The following KDM2A variants were observed in gnomAD, a reference collection of about 807,000 sequenced individuals.
KDM2A encodes lysine demethylase 2A, also known as lysine-specific demethylase 2A.
Under a neutral mutation model 137.3 loss-of-function variants are expected in KDM2A, and 3 were observed. The ratio of observed to expected loss-of-function variants is 0.02; its 90% CI spans 0.01 to 0.06. The LOEUF is 0.06. KDM2A is among the 10% of genes least tolerant of loss of function. The pLI, the probability that KDM2A is intolerant of heterozygous loss-of-function variation, is 1.00. For synonymous variants in KDM2A, 512 were observed against 541.5 expected, an observed-to-expected ratio of 0.95 and a Z score of 0.76; for missense variants, 738 against 1,510.6, an observed-to-expected ratio of 0.49 and a Z score of 8.48.
intron 2 of KDM2A, among the ~76,000 whole-genome samples, chr11:67,146,614 T>G (rs1856254016): frequency 6.6e-6 from 1 of 152,034 alleles, no homozygotes; most frequent in South Asian, 2.1e-4. Flanking sequence ...ACTTAAGCAA[T>G]CCTCCTGCCT....
rs1407777333 is a variant in KDM2A at position 67,250,005 on chromosome 11, G to A, written c.2056-81G>A. On this transcript the variant is annotated intron_variant, in intron 16 of 20. Coordinates refer to ENST00000529006, the MANE Select transcript of KDM2A (RefSeq NM_012308.3). The surrounding 1 kb of genome is among the most constrained non-coding windows in gnomAD (Gnocchi z 7.1). ...CTTTCTTCTCTCTGGTCCCCTGAGA[G>A]CAAGGGAGGTCCACCCTGTCGGTTC... 1.5e-5 allele frequency: 17 copies of A among 1,162,620 alleles called. No homozygotes were observed. The highest frequency in any genetic ancestry group is 4.6e-5 in the African/African-American group (3 of 65,240). The allele number at this position is 1,162,620 out of a possible 1,614,324, so 72.0% of individuals were successfully genotyped here.
rs558887173 is a variant in KDM2A at position 67,213,183 on chromosome 11, C to T, written c.487-2157C>T. Among the ~76,000 whole-genome samples the T allele has an allele frequency of 2.6e-5, 4 of 152,318 alleles. No individual in the cohort carries two copies. The South Asian group carries it at 6.2e-4, about 24-fold the overall frequency. ...CTCTAGACAACTGCTTCATATCATG[C>T]ACAACTTTATGCATTTGTCTCCATT... On this transcript the variant is annotated intron_variant, in intron 6 of 20. Transcript: ENST00000529006.
intron 6 of KDM2A, among the ~76,000 whole-genome samples, chr11:67,211,679 A>AT (rs1857993410): frequency 6.7e-6 from 1 of 149,576 alleles, no homozygotes; most frequent in Admixed American, 6.7e-5. Context: ...TTCTTTTTTA[A>AT]TTTTTTAATA....
At chr11:67,156,576 G>A (rs1301159605) in intron 2 of KDM2A, among the ~76,000 whole-genome samples, 1 of 151,936 alleles carries the variant, frequency 6.6e-6, no homozygotes, top group Admixed American at 6.6e-5. Context: ...AAAATTAGCC[G>A]GGCGTGGTGG....
chr11:67,250,895 G>A lies in KDM2A; in HGVS notation c.2768+97G>A, dbSNP rs1386582740. The A allele has an allele frequency of 4.2e-6, 4 of 944,328 alleles. No individual in the cohort carries two copies. Among genetic ancestry groups the A allele is most frequent in the African/African-American group, 3.3e-5 (2 of 60,710 alleles). 58.5% of individuals were successfully genotyped at this position (944,328 alleles called of 1,614,324 possible). On this transcript the variant is annotated intron_variant, in intron 17 of 20. Coordinates refer to ENST00000529006, the MANE Select transcript of KDM2A (RefSeq NM_012308.3). This position sits in a 1 kb window ranked among gnomAD's most constrained non-coding sequence, Gnocchi z 7.1. Reference sequence around the variant, plus strand: ...CATGCACCTTGGCATCTGAAAGCCTGTGGGGTCTTATGAGGAGTGAATTGA... The same window carrying A: ...CATGCACCTTGGCATCTGAAAGCCTATGGGGTCTTATGAGGAGTGAATTGA...
intron 12 of KDM2A, among the ~76,000 whole-genome samples, chr11:67,234,701 A>G (rs995000178): frequency 3.3e-5 from 5 of 152,130 alleles, no homozygotes; most frequent in Non-Finnish European, 5.9e-5. Flanking sequence ...CAAAAATACA[A>G]AATTATCCAG....
intron 6 of KDM2A, among the ~76,000 whole-genome samples, chr11:67,208,789 T>G (rs977640764): frequency 2.7e-5 from 4 of 150,014 alleles, no homozygotes; most frequent in African/African-American, 9.8e-5. Flanking sequence ...AAAAAAAAAT[T>G]CACTCTTGAC....
At chr11:67,217,594 G>A (rs1341331435) in intron 8 of KDM2A, 137 bp from the exon 9 acceptor site, 2 of 767,230 alleles carry the variant, frequency 2.6e-6, no homozygotes, top group Non-Finnish European at 4.3e-6. Context: ...TTACCACATA[G>A]TCAAGTTCTA....
intron 2 of KDM2A, among the ~76,000 whole-genome samples, chr11:67,123,932 C>T (rs1034894339): frequency 6.6e-5 from 10 of 151,612 alleles, no homozygotes; most frequent in African/African-American, 2.2e-4. Context: ...CTGTCTTGGC[C>T]TCCCAAAGTG....
At chr11:67,129,080 C>G (rs1378614656) in intron 2 of KDM2A, among the ~76,000 whole-genome samples, 1 of 152,014 alleles carries the variant, frequency 6.6e-6, no homozygotes, top group East Asian at 1.9e-4. Context: ...AAGACCCTGT[C>G]TCTAAAAAAA....
chr11:67,166,415 A>C (rs1201736126), intron 2 of KDM2A, among the ~76,000 whole-genome samples: 1 of 151,926 alleles, frequency 6.6e-6, no homozygotes, highest in Non-Finnish European at 1.5e-5. Context: ...CGAACTCCTG[A>C]CCTCAAGTGA....
At chr11:67,249,374 A>G (rs1053303932) in intron 16 of KDM2A, among the ~76,000 whole-genome samples, 2 of 152,220 alleles carry the variant, frequency 1.3e-5, no homozygotes, top group Non-Finnish European at 2.9e-5. Flanking sequence ...AAAAAAATGT[A>G]AGGAGGAAAA....
At chr11:67,156,884 T>G (rs1004790337) in intron 2 of KDM2A, among the ~76,000 whole-genome samples, 1 of 148,868 alleles carries the variant, frequency 6.7e-6, no homozygotes, top group Non-Finnish European at 1.5e-5. Flanking sequence ...AGGGTGAGAC[T>G]CTCTCAAAAA....
intron 5 of KDM2A, among the ~76,000 whole-genome samples, chr11:67,206,876 C>T (rs761603864): frequency 1.1e-4 from 17 of 152,284 alleles, no homozygotes; most frequent in African/African-American, 1.7e-4. Context: ...TATAGATTTT[C>T]GTGTCCATCC....
chr11:67,167,906 CAT>C lies in KDM2A; in HGVS notation c.43-12172_43-12171del, dbSNP rs551094797. 4.1e-4 allele frequency among the ~76,000 whole-genome samples: 63 copies of C among 152,234 alleles called. No individual in the cohort carries two copies. The Middle Eastern group carries it at 0.01, about 25-fold the overall frequency. On this transcript the variant is annotated intron_variant, in intron 2 of 20. Transcript: ENST00000529006. ...ATATGGCAGTTATGTTAAAAGTAAA[CAT>C]GTGTTTTTCCTTATTCTCTGTGCTC...
At chr11:67,237,395 G>C (rs762535787) in intron 12 of KDM2A, among the ~76,000 whole-genome samples, 6 of 151,840 alleles carry the variant, frequency 4.0e-5, no homozygotes, top group Non-Finnish European at 5.9e-5. Flanking sequence ...AGTATAGTTA[G>C]CTCTTATTCC....
At chr11:67,222,079 T>TA (rs1296043381) in intron 10 of KDM2A, among the ~76,000 whole-genome samples, 1,464 of 106,614 alleles carry the variant, frequency 0.014, 17 homozygotes, top group Non-Finnish European at 0.022. Flanking sequence ...TTTTTTTTTT[T>TA]AATTTATTTT....
At chr11:67,181,718 A>T (rs906942551) in intron 4 of KDM2A, 128 bp from the exon 5 acceptor site, 2 of 722,324 alleles carry the variant, frequency 2.8e-6, no homozygotes, top group Non-Finnish European at 4.7e-6. Flanking sequence ...CTATATTTTT[A>T]AAATAATTTC....
intron 12 of KDM2A, among the ~76,000 whole-genome samples, chr11:67,237,480 G>C (rs867764556): frequency 6.6e-6 from 1 of 151,192 alleles, no homozygotes; most frequent in Non-Finnish European, 1.5e-5. Flanking sequence ...TATTAGCAAC[G>C]AGGTCTTGCT....
Sources: allele counts gnomAD v4.1 joint callset (sites outside exome capture counted in the v4.1 genomes callset), GRCh38; gene constraint gnomAD v4.1.1; non-coding constraint Gnocchi (gnomAD v3.1); transcripts MANE v1.5; gene names NCBI Gene and HGNC (gene_info 2026-07-23, HGNC 2026-07-21).